ACSS3: variants seen among roughly 807,000 people sequenced by gnomAD.
ACSS3 encodes acyl-CoA synthetase short-chain family member 3, mitochondrial.
Under a neutral mutation model 84.2 loss-of-function variants are expected in ACSS3, and 64 were observed. That is an observed-to-expected ratio of 0.76 (90% confidence interval 0.62 to 0.94). The LOEUF (loss-of-function observed/expected upper bound fraction) is 0.94. Ranked by LOEUF, ACSS3 falls within the 40% of genes least tolerant of loss-of-function variation. The pLI is 0.00. For synonymous variants in ACSS3, 317 were observed against 310.1 expected (o/e 1.02, Z -0.23); for missense variants, 815 against 867.6 (o/e 0.94, Z 0.76).
intron 11 of ACSS3, among the ~76,000 whole-genome samples, chr12:81,229,740 C>G (rs138425180): frequency 6.6e-6 from 1 of 151,864 alleles, no homozygotes; most frequent in African/African-American, 2.4e-5. Flanking sequence ...TATGTAATTA[C>G]ATGAAGTCCA....
chr12:81,182,929 C>G (rs1346364320), intron 8 of ACSS3, among the ~76,000 whole-genome samples: 2 of 152,104 alleles, frequency 1.3e-5, no homozygotes, highest in Non-Finnish European at 2.9e-5. Flanking sequence ...CATGTATTTT[C>G]TTAGAAGCTT....
intron 13 of ACSS3, among the ~76,000 whole-genome samples, chr12:81,252,091 G>A (rs539945690): frequency 5.0e-4 from 76 of 151,938 alleles, no homozygotes; most frequent in Non-Finnish European, 9.4e-4. Flanking sequence ...TCCTTCCCCA[G>A]GGTTTTTGCC....
At position 81,092,896 on chromosome 12, in the gene ACSS3, A is replaced by C. The variant is rs559296979; in HGVS notation, c.311+14465A>C. ...TTTTGAGTATAAGGCTAGGAAAAAA[A>C]GGATAAAAGTTTTATGTTTTGCTTA... On this transcript the variant is annotated intron_variant, in intron 1 of 15. Coordinates refer to ENST00000548058, the MANE Select transcript of ACSS3 (RefSeq NM_024560.4). Among the ~76,000 whole-genome samples, 4 of 152,212 alleles carry C rather than the reference A, an allele frequency of 2.6e-5. No homozygotes were observed. In the South Asian group the frequency reaches 8.3e-4, roughly 31 times the overall value.
At chr12:81,236,287 C>T (rs369941250) in intron 13 of ACSS3, among the ~76,000 whole-genome samples, 1 of 151,344 alleles carries the variant, frequency 6.6e-6, no homozygotes, top group East Asian at 1.9e-4. Context: ...TTGAACCAGT[C>T]GTGCATTCCT....
chr12:81,156,130 A>G (rs1234045171), intron 7 of ACSS3, among the ~76,000 whole-genome samples: 1 of 152,042 alleles, frequency 6.6e-6, no homozygotes, highest in Non-Finnish European at 1.5e-5. Context: ...ATTGGAATCT[A>G]ATCAATATAC....
intron 13 of ACSS3, among the ~76,000 whole-genome samples, chr12:81,247,806 A>T (rs2034031369): frequency 1.3e-5 from 2 of 152,066 alleles, no homozygotes; most frequent in Non-Finnish European, 2.9e-5. Flanking sequence ...GCTCTTATTA[A>T]AGTGCCCAAA....
In ACSS3 at chr12:81,256,779, C is replaced by G. The variant is rs1303066467; in HGVS notation, c.*1857C>G. 1 of 152,010 alleles carries G rather than the reference C, an allele frequency of 6.6e-6. No homozygotes were observed. The allele number at this position is 152,010 out of a possible 1,614,324, so 9.4% of individuals were successfully genotyped here. A position where few individuals can be genotyped will look rare whatever the true frequency, so the allele number is the denominator to read the frequency against. On this transcript the variant is annotated 3_prime_UTR_variant, in exon 16 of 16. Transcript: ENST00000548058. ...AGTAAATTCCTATTTACTTAAATTGCCTTCTTGATTGTTACACCTGGAAAA... is the reference window on the plus strand; with the variant it reads ...AGTAAATTCCTATTTACTTAAATTGGCTTCTTGATTGTTACACCTGGAAAA...
chr12:81,224,561 TAC>T (rs541339231), intron 11 of ACSS3, among the ~76,000 whole-genome samples: 2,634 of 110,612 alleles, frequency 0.024, 68 homozygotes, highest in African/African-American at 0.077. Flanking sequence ...CATATATATA[TAC>T]ACACACACAC....
intron 2 of ACSS3, among the ~76,000 whole-genome samples, chr12:81,115,147 A>T (rs904463529): frequency 6.6e-6 from 1 of 152,102 alleles, no homozygotes; most frequent in Non-Finnish European, 1.5e-5. Flanking sequence ...TTTGTACACA[A>T]ATTTTGTTGA....
At chr12:81,226,454 T>C (rs2033274550) in intron 11 of ACSS3, among the ~76,000 whole-genome samples, 2 of 151,816 alleles carry the variant, frequency 1.3e-5, no homozygotes, top group Non-Finnish European at 2.9e-5. Context: ...TAGCTACACA[T>C]AGTGAGCATA....
chr12:81,098,129 T>TGAGAGAGAGAGAGAGAGA (rs769661021), intron 1 of ACSS3, among the ~76,000 whole-genome samples: 28 of 135,130 alleles, frequency 2.1e-4, no homozygotes, highest in African/African-American at 7.9e-4. Flanking sequence ...GGTCCCAGTA[T>TGAGAGAGAGAGAGAGAGA]GAGAGAGAGA....
At chr12:81,135,047 AT>A in intron 3 of ACSS3, 43 bp downstream of exon 3, 1 of 1,463,198 alleles carries the variant, frequency 6.8e-7, no homozygotes. Flanking sequence ...GCTATGTATA[AT>A]TTAGTCATAT....
At chr12:81,156,475 A>G (rs752831391) in intron 7 of ACSS3, among the ~76,000 whole-genome samples, 2 of 149,686 alleles carry the variant, frequency 1.3e-5, no homozygotes, top group African/African-American at 2.5e-5. Context: ...ATAACATTGA[A>G]AACATAAAAA....
intron 8 of ACSS3, among the ~76,000 whole-genome samples, chr12:81,194,284 T>C (rs556662405): frequency 4.6e-5 from 7 of 151,846 alleles, no homozygotes; most frequent in Non-Finnish European, 1.0e-4. Context: ...TTATATTGTT[T>C]CATTAATTAT....
At chr12:81,172,256 T>A (rs2030115228) in intron 7 of ACSS3, among the ~76,000 whole-genome samples, 2 of 14,842 alleles carry the variant, frequency 1.3e-4, no homozygotes, top group Non-Finnish European at 4.0e-4. Flanking sequence ...TGAGGCTCTG[T>A]CTCAAAAAAA....
chr12:81,211,740 C>T (rs1368634857), intron 9 of ACSS3, among the ~76,000 whole-genome samples: 1 of 152,166 alleles, frequency 6.6e-6, no homozygotes, highest in African/African-American at 2.4e-5. Context: ...ATTATATTTA[C>T]ATTGTTATGA....
intron 2 of ACSS3, among the ~76,000 whole-genome samples, chr12:81,129,975 A>G (rs1479199528): frequency 1.3e-5 from 2 of 152,088 alleles, no homozygotes; most frequent in African/African-American, 2.4e-5. Flanking sequence ...TTATGGCTGC[A>G]TAGTATTCCG....
At chr12:81,147,995 A>G (rs1313908035) in intron 5 of ACSS3, among the ~76,000 whole-genome samples, 1 of 149,576 alleles carries the variant, frequency 6.7e-6, no homozygotes, top group Non-Finnish European at 1.5e-5. Flanking sequence ...GTGAATAGAC[A>G]TTTTACATAT....
At chr12:81,201,366 T>A (rs1316401683) in intron 9 of ACSS3, among the ~76,000 whole-genome samples, 3 of 152,226 alleles carry the variant, frequency 2.0e-5, no homozygotes, top group Non-Finnish European at 4.4e-5. Flanking sequence ...GTTCTGTTTT[T>A]CCCTCTTCAA....
Sources: gnomAD v4.1 joint callset for allele counts (sites outside exome capture counted in the v4.1 genomes callset) on GRCh38, gnomAD v4.1.1 for gene constraint, MANE v1.5 for transcripts, NCBI Gene and HGNC (gene_info 2026-07-23, HGNC 2026-07-21) for gene names.